The following CADPS variants were observed in gnomAD, a reference collection of about 807,000 sequenced individuals.
CADPS encodes the protein calcium dependent secretion activator.
Under a neutral mutation model 167.3 loss-of-function variants are expected in CADPS, and 57 were observed. That is an observed-to-expected ratio of 0.34 (90% CI 0.28 to 0.42). The LOEUF is 0.42. CADPS is among the 20% of genes least tolerant of loss of function. CADPS has a pLI of 1.00. For synonymous variants in CADPS, 676 were observed against 635.3 expected, an observed-to-expected ratio of 1.06 and a Z score of -0.96; for missense variants, 1,414 against 1,738.1, an observed-to-expected ratio of 0.81 and a Z score of 3.32.
At chr3:62,736,233 A>G (rs192713675) in intron 3 of CADPS, among the ~76,000 whole-genome samples, 3 of 152,330 alleles carry the variant, frequency 2.0e-5, no homozygotes, top group Admixed American at 6.5e-5. Context: ...AAGACCAAAT[A>G]AAATAATGCC....
intron 3 of CADPS, among the ~76,000 whole-genome samples, chr3:62,690,543 G>A (rs969576699): frequency 2.0e-5 from 3 of 151,842 alleles, no homozygotes; most frequent in Non-Finnish European, 2.9e-5. Flanking sequence ...TCTCATCTGT[G>A]TTAAGTTAAA....
At chr3:62,787,104 A>G (rs2092523185) in intron 1 of CADPS, among the ~76,000 whole-genome samples, 1 of 152,118 alleles carries the variant, frequency 6.6e-6, no homozygotes. Flanking sequence ...GACTAGTCTG[A>G]GCAATATGGC....
At chr3:62,525,667 T>C (rs10510878) in intron 13 of CADPS, among the ~76,000 whole-genome samples, 19,325 of 148,122 alleles carry the variant, frequency 0.13, 1,825 homozygotes, top group African/African-American at 0.27. Context: ...AAGCACCGGA[T>C]GTAATGTCAT....
At chr3:62,785,441 T>G (rs1043843280) in intron 1 of CADPS, among the ~76,000 whole-genome samples, 10 of 152,230 alleles carry the variant, frequency 6.6e-5, no homozygotes, top group Non-Finnish European at 8.8e-5. Flanking sequence ...AGCCTTGCTT[T>G]GCCATCCATC....
intron 1 of CADPS, among the ~76,000 whole-genome samples, chr3:62,853,324 C>T (rs1400520632): frequency 6.6e-6 from 1 of 152,066 alleles, no homozygotes; most frequent in East Asian, 1.9e-4. Context: ...TAGTGATATT[C>T]TTGTGAGAAA....
chr3:62,675,721 C>CT (rs1403676570), intron 3 of CADPS, among the ~76,000 whole-genome samples: 1 of 152,118 alleles, frequency 6.6e-6, no homozygotes, highest in East Asian at 1.9e-4. Context: ...CTGAGAAACA[C>CT]TTTAAATGGT....
chr3:62,621,337 A>G (rs145540340), intron 6 of CADPS, among the ~76,000 whole-genome samples: 1 of 152,210 alleles, frequency 6.6e-6, no homozygotes, highest in Non-Finnish European at 1.5e-5. Flanking sequence ...TCCCTGTGGC[A>G]GATCAGAACA....
chr3:62,735,059 T>G (rs2152215895), intron 3 of CADPS, among the ~76,000 whole-genome samples: 1 of 152,302 alleles, frequency 6.6e-6, no homozygotes, highest in South Asian at 2.1e-4. Context: ...GAGAAATTCT[T>G]ATATATGTGC....
At position 62,499,275 on chromosome 3, in the gene CADPS, T is replaced by C. The variant is rs1022745473; in HGVS notation, c.2600-7A>G. ...ATTAACCGGCCTACATTTTCTGTAG[T>C]ACAAGAGTTTGTGTTAAAATTCAGC... On this transcript the variant is annotated splice_region_variant and splice_polypyrimidine_tract_variant and intron_variant, in intron 17 of 29. Transcript: ENST00000383710. 2.8e-5 allele frequency: 44 copies of C among 1,586,872 alleles called. No homozygotes were observed. Among genetic ancestry groups the C allele is most frequent in the Non-Finnish European group, 3.7e-5 (43 of 1,155,382 alleles).
chr3:62,406,795 C>T lies in CADPS; in HGVS notation c.3778-3610G>A, dbSNP rs1483836319. Among the ~76,000 whole-genome samples, 3 of 152,276 alleles carry T rather than the reference C, an allele frequency of 2.0e-5. No individual in the cohort carries two copies. In the East Asian group the frequency reaches 5.8e-4, roughly 29 times the overall value. On this transcript the variant is annotated intron_variant, in intron 28 of 29. Transcript: ENST00000383710. ...GATGCCCATCATAGACAACAGGGCC[C>T]TTGGAAAGGTGGGAACTTCTTCAGC... is the stretch of plus-strand genomic sequence containing the variant.
intron 6 of CADPS, among the ~76,000 whole-genome samples, chr3:62,621,984 A>C (rs577633864): frequency 2.0e-5 from 3 of 151,416 alleles, no homozygotes; most frequent in African/African-American, 7.3e-5. Flanking sequence ...TCTTATGTAA[A>C]TCCCACTCAT....
At chr3:62,718,058 G>C (rs1470137010) in intron 3 of CADPS, among the ~76,000 whole-genome samples, 1 of 151,596 alleles carries the variant, frequency 6.6e-6, no homozygotes, top group Admixed American at 6.6e-5. Context: ...GACCACTCTA[G>C]CTAAAGAAAT....
chr3:62,869,814 C>T (rs1465565461), intron 1 of CADPS, among the ~76,000 whole-genome samples: 1 of 152,142 alleles, frequency 6.6e-6, no homozygotes, highest in Admixed American at 6.6e-5. Flanking sequence ...TTAGAACTCT[C>T]ATCATTCCAG....
intron 27 of CADPS, 73 bp downstream of exon 27, chr3:62,445,692 T>C: frequency 9.2e-7 from 1 of 1,084,734 alleles, no homozygotes; most frequent in Admixed American, 3.5e-5. Context: ...AAAATTCTCA[T>C]GAAAACAAAA....
At chr3:62,789,534 T>A (rs2152723820) in intron 1 of CADPS, among the ~76,000 whole-genome samples, 1 of 152,318 alleles carries the variant, frequency 6.6e-6, no homozygotes, top group South Asian at 2.1e-4. Context: ...CAGTATGTTG[T>A]TCTTTGAGAC....
chr3:62,718,274 C>T (rs1466111638), intron 3 of CADPS, among the ~76,000 whole-genome samples: 1 of 152,040 alleles, frequency 6.6e-6, no homozygotes, highest in Non-Finnish European at 1.5e-5. Context: ...TACATGATGT[C>T]TTGGTGAATG....
intron 3 of CADPS, among the ~76,000 whole-genome samples, chr3:62,698,676 C>T (rs932277244): frequency 2.7e-5 from 4 of 150,346 alleles, no homozygotes; most frequent in African/African-American, 7.4e-5. Context: ...TCCTCCTCCT[C>T]CTTCTCCTTC....
chr3:62,868,382 T>C (rs2082076295), intron 1 of CADPS, among the ~76,000 whole-genome samples: 1 of 152,106 alleles, frequency 6.6e-6, no homozygotes, highest in South Asian at 2.1e-4. Flanking sequence ...TAGTTAAAAG[T>C]GATTAACATT....
intron 1 of CADPS, among the ~76,000 whole-genome samples, chr3:62,857,787 A>G (rs1229342283): frequency 6.6e-6 from 1 of 152,010 alleles, no homozygotes; most frequent in Non-Finnish European, 1.5e-5. Context: ...ATACTTTTCT[A>G]TAAAAATGTT....
Sources: allele counts gnomAD v4.1 joint callset (sites outside exome capture counted in the v4.1 genomes callset), GRCh38; gene constraint gnomAD v4.1.1; transcripts MANE v1.5; gene names NCBI Gene and HGNC (gene_info 2026-07-23, HGNC 2026-07-21).